Variants in TP53BP1 observed in about 807,000 individuals in gnomAD.
TP53BP1 encodes TP53-binding protein 1.
TP53BP1 carries 61 observed loss-of-function variants against 200.8 expected under a neutral mutation model. That is an observed-to-expected ratio of 0.30 (90% CI 0.25 to 0.38). TP53BP1 has a LOEUF of 0.38. TP53BP1 is among the 10% of genes least tolerant of loss of function. The probability of loss-of-function intolerance (pLI) is 1.00; values close to 1 mark genes in which losing one functional copy is unlikely to be tolerated. For missense variants in TP53BP1, 2,144 were observed against 2,371.9 expected (o/e 0.90, Z 2.00); for synonymous variants, 822 against 844.3 (o/e 0.97, Z 0.46).
At position 43,469,935 on chromosome 15, in the gene TP53BP1, A is replaced by G. The variant is rs775778402; in HGVS notation, c.1312T>C (p.Ser438Pro). The G allele has an allele frequency of 1.8e-5, 29 of 1,613,946 alleles. No individual in the cohort carries two copies. The highest frequency in any genetic ancestry group is 2.4e-5 in the Non-Finnish European group (28 of 1,180,040). The change falls in exon 11 of 28, where the codon TCA becomes CCA. Residue 438 changes from serine (S) to proline (P), a missense_variant. Physicochemically the swap from Ser to Pro is moderately conservative, Grantham distance 74 (BLOSUM62 -1). Around this residue, in one of 4 missense-constraint regions of TP53BP1, gnomAD observed 1,700 missense variants for 1,710.3 expected, o/e 0.99. Coordinates refer to ENST00000382044, the MANE Select transcript of TP53BP1 (RefSeq NM_001141980.3). Reference protein sequence around the residue: ...LPESTVSPQASTPISQSTPVF... With the variant: ...LPESTVSPQAPTPISQSTPVF... ...GGTGTGCTCTGAGATATTGGTGTTGAGGCTTGTGGTGATACAGTGGACTCA... is the reference window on the plus strand; with the variant it reads ...GGTGTGCTCTGAGATATTGGTGTTGGGGCTTGTGGTGATACAGTGGACTCA...
At chr15:43,493,346 T>A (rs2079156445), upstream of TP53BP1, among the ~76,000 whole-genome samples, 1 of 152,166 alleles carries the variant, frequency 6.6e-6, no homozygotes, top group Non-Finnish European at 1.5e-5. Flanking sequence ...AGCCGGAGAA[T>A]GACGGTATCC....
intron 14 of TP53BP1, 25 bp downstream of exon 14, chr15:43,446,362 T>G: frequency 6.3e-7 from 1 of 1,586,300 alleles, no homozygotes; most frequent in Non-Finnish European, 8.7e-7. Flanking sequence ...AGCTACTAAT[T>G]ACCCAAGATT....
chr15:43,477,664 T>C lies in TP53BP1; in HGVS notation c.884A>G (p.Gln295Arg). 3 of 1,613,976 alleles carry C rather than the reference T, an allele frequency of 1.9e-6. No homozygotes were observed. The highest frequency in any genetic ancestry group is 2.5e-6 in the Non-Finnish European group (3 of 1,179,920). Residue 295 changes from glutamine (Q) to arginine (R), a missense_variant, in exon 8 of 28, where the codon CAG becomes CGG. Physicochemically the swap from Gln to Arg is conservative, Grantham distance 43. Transcript: ENST00000382044. Reference sequence around the variant, plus strand: ...CTCAGGCTCTGGTGACTTCTGAATCTGCAGTCCACTTTCCATAAGTTCTTG... The same window carrying C: ...CTCAGGCTCTGGTGACTTCTGAATCCGCAGTCCACTTTCCATAAGTTCTTG... ...SAQELMESGL[Q>R]IQKSPEPEVL...
chr15:43,471,752 A>G (rs2046731189), intron 10 of TP53BP1, among the ~76,000 whole-genome samples: 1 of 152,150 alleles, frequency 6.6e-6, no homozygotes, highest in Non-Finnish European at 1.5e-5. Context: ...TAATATAATT[A>G]TTTTTATATT....
Position 43,405,105 on chromosome 15 carries a change from G to A in TP53BP1, c.*2278C>T. 7.2e-7 allele frequency: 1 copy of A among 1,393,748 alleles called. No individual in the cohort carries two copies. Among genetic ancestry groups the A allele is most frequent in the Non-Finnish European group, 1.0e-6 (1 of 993,836 alleles). 86.3% of individuals were successfully genotyped at this position (1,393,748 alleles called of 1,614,324 possible). A position where few individuals can be genotyped will look rare whatever the true frequency, so the allele number is the denominator to read the frequency against. On this transcript the variant is annotated 3_prime_UTR_variant, in exon 28 of 28. Coordinates refer to ENST00000382044, the MANE Select transcript of TP53BP1 (RefSeq NM_001141980.3). ...AAAAGAAACTCTTCAGTTTTAAGAT[G>A]ACATTATTTAGATCACAGGTTATCC...
intron 16 of TP53BP1, among the ~76,000 whole-genome samples, chr15:43,437,954 G>GT: frequency 6.6e-6 from 1 of 152,218 alleles, no homozygotes; most frequent in East Asian, 1.9e-4. Context: ...CGGCCAGCTG[G>GT]TAAGGGCCTT....
rs1364035747 is a variant in TP53BP1 at position 43,403,599 on chromosome 15, A to G, written c.*3784T>C. 4.0e-6 allele frequency: 4 copies of G among 1,004,150 alleles called. No individual in the cohort carries two copies. In the South Asian group the frequency reaches 4.5e-5, roughly 11 times the overall value. The allele number at this position is 1,004,150 out of a possible 1,614,324, so 62.2% of individuals were successfully genotyped here. ...AGGTCAGCTATTAATTAGATCAGCT[A>G]TTAATCAGACTGTTCTCCTAACACT... On this transcript the variant is annotated 3_prime_UTR_variant, in exon 28 of 28. Coordinates refer to ENST00000382044, the MANE Select transcript of TP53BP1 (RefSeq NM_001141980.3).
chr15:43,474,058 G>A (rs959997496), intron 10 of TP53BP1, among the ~76,000 whole-genome samples: 10 of 152,220 alleles, frequency 6.6e-5, no homozygotes, highest in Non-Finnish European at 1.0e-4. Flanking sequence ...GAAATCAAGC[G>A]CAGCGCCGGT....
chr15:43,427,269 T>C (rs544299254), intron 18 of TP53BP1, among the ~76,000 whole-genome samples: 51 of 152,312 alleles, frequency 3.3e-4, no homozygotes, highest in African/African-American at 1.2e-3. Context: ...TAAAGGTGCA[T>C]TTCTTACCAA....
intron 8 of TP53BP1, among the ~76,000 whole-genome samples, chr15:43,475,990 C>G (rs1384818886): frequency 6.6e-6 from 1 of 152,136 alleles, no homozygotes; most frequent in East Asian, 1.9e-4. Context: ...CCTGGATGGG[C>G]GCAGTGGCTC....
intron 11 of TP53BP1, among the ~76,000 whole-genome samples, chr15:43,468,502 G>A (rs1299412946): frequency 3.4e-5 from 5 of 146,200 alleles, no homozygotes; most frequent in Admixed American, 1.4e-4. Context: ...AGCCATGGTC[G>A]CACCACTGCA....
chr15:43,460,813 A>T (rs1252182790), intron 11 of TP53BP1, among the ~76,000 whole-genome samples: 1 of 151,684 alleles, frequency 6.6e-6, no homozygotes, highest in Non-Finnish European at 1.5e-5. Context: ...ACTTGAGCCC[A>T]GGAGTTTGAG....
chr15:43,471,571 C>A (rs2046726722), intron 10 of TP53BP1, among the ~76,000 whole-genome samples: 2 of 152,102 alleles, frequency 1.3e-5, no homozygotes, highest in South Asian at 4.2e-4. Flanking sequence ...GGATTACAGG[C>A]ACCCGCCACC....
rs1595511943 is a variant in TP53BP1 at position 43,407,220 on chromosome 15, C to T, written c.*163G>A. ...ACAGATGAAGAAATCCCAGTTACTA[C>T]AACCAAAGAGATTCAACATTTATTT... On this transcript the variant is annotated 3_prime_UTR_variant, in exon 28 of 28. Coordinates refer to ENST00000382044, the MANE Select transcript of TP53BP1 (RefSeq NM_001141980.3). The T allele has an allele frequency of 1.3e-5, 8 of 637,732 alleles. No homozygotes were observed. Among genetic ancestry groups the T allele is most frequent in the East Asian group, 2.8e-5 (1 of 36,118 alleles). 39.5% of individuals were successfully genotyped at this position (637,732 alleles called of 1,614,324 possible). A position where few individuals can be genotyped will look rare whatever the true frequency, so the allele number is the denominator to read the frequency against.
intron 24 of TP53BP1, 125 bp downstream of exon 24, chr15:43,412,994 C>T (rs2045161914): frequency 2.4e-6 from 2 of 847,466 alleles, no homozygotes; most frequent in Admixed American, 5.0e-5. Flanking sequence ...TTTCTGTGAC[C>T]AAGATCCCAG....
chr15:43,432,718 A>G, intron 16 of TP53BP1, 41 bp from the exon 17 acceptor site: 1 of 1,564,416 alleles, frequency 6.4e-7, no homozygotes, highest in Non-Finnish European at 8.6e-7. Flanking sequence ...CAATTAAGCA[A>G]GTGTATGTGT....
At chr15:43,471,577 C>T (rs1287557211) in intron 10 of TP53BP1, among the ~76,000 whole-genome samples, 1 of 152,070 alleles carries the variant, frequency 6.6e-6, no homozygotes, top group Non-Finnish European at 1.5e-5. Context: ...CAGGCACCCG[C>T]CACCACACCC....
rs2044820450 is a variant in TP53BP1 at position 43,405,048 on chromosome 15, A to T, written c.*2335T>A. The T allele has an allele frequency of 1.2e-6, 1 of 809,526 alleles. No individual in the cohort carries two copies. The highest frequency in any genetic ancestry group is 2.9e-5 in the Admixed American group (1 of 34,946). The allele number at this position is 809,526 out of a possible 1,614,324, so 50.1% of individuals were successfully genotyped here. The stretch of plus-strand genomic sequence containing the variant: ...TTCTCTCTAAAATGTCTGCAAGCAG[A>T]TTTTTTTCTAAGCTATTGTAGCAGA... On this transcript the variant is annotated 3_prime_UTR_variant, in exon 28 of 28. Transcript: ENST00000382044.
At chr15:43,481,573 T>C (rs1380220868) in intron 4 of TP53BP1, among the ~76,000 whole-genome samples, 1 of 151,310 alleles carries the variant, frequency 6.6e-6, no homozygotes, top group Non-Finnish European at 1.5e-5. Flanking sequence ...TCCCAGCACT[T>C]TGGGAGGCAG....
Sources: gnomAD v4.1 joint callset for allele counts (sites outside exome capture counted in the v4.1 genomes callset) on GRCh38, gnomAD v4.1.1 for gene constraint, gnomAD v4.1.1 regional missense constraint, MANE v1.5 for transcripts, NCBI Gene and HGNC (gene_info 2026-07-23, HGNC 2026-07-21) for gene names.